Variants in COL6A6 observed in about 807,000 individuals in gnomAD.
COL6A6 encodes collagen type VI alpha 6 chain.
Under a neutral mutation model 208.6 loss-of-function variants are expected in COL6A6, and 183 were observed. That is an observed-to-expected ratio of 0.88 (90% CI 0.78 to 0.99). The LOEUF is 0.99. Ranked by LOEUF, COL6A6 falls within the 50% of genes least tolerant of loss-of-function variation. COL6A6 has a pLI of 0.00. For synonymous variants in COL6A6, 973 were observed against 1,011.8 expected (o/e 0.96, Z 0.73); for missense variants, 2,816 against 2,815.2 (o/e 1.00, Z -0.01).
At chr3:130,576,003 T>C (rs976039563) in intron 8 of COL6A6, among the ~76,000 whole-genome samples, 4 of 152,176 alleles carry the variant, frequency 2.6e-5, no homozygotes, top group Non-Finnish European at 4.4e-5. Context: ...TGCTGAGGTT[T>C]CTCTGTCCCC....
intron 1 of COL6A6, among the ~76,000 whole-genome samples, chr3:130,526,050 C>A (rs780359187): frequency 1.7e-4 from 26 of 151,930 alleles, no homozygotes; most frequent in African/African-American, 6.0e-4. Context: ...GACAAAGTCC[C>A]TGCTCCAAGG....
At chr3:130,604,750 A>G (rs2064133290) in intron 20 of COL6A6, among the ~76,000 whole-genome samples, 2 of 152,190 alleles carry the variant, frequency 1.3e-5, no homozygotes, top group African/African-American at 4.8e-5. Flanking sequence ...AACCTTAAAG[A>G]CAAAAGGGGA....
intron 10 of COL6A6, 93 bp from the exon 11 acceptor site, chr3:130,586,413 C>T (rs2063542400): frequency 9.1e-7 from 1 of 1,104,174 alleles, no homozygotes; most frequent in Non-Finnish European, 1.3e-6. Flanking sequence ...CTTCTTGCAG[C>T]TGTTCACTGA....
chr3:130,601,797 C>T (rs1432035895), intron 20 of COL6A6, among the ~76,000 whole-genome samples: 2 of 152,140 alleles, frequency 1.3e-5, no homozygotes, highest in Admixed American at 6.5e-5. Context: ...TTAAAAATGG[C>T]GAAACAGAGA....
intron 36 of COL6A6, among the ~76,000 whole-genome samples, 158 bp downstream of exon 36, chr3:130,665,254 T>A (rs1342735752): frequency 6.6e-6 from 1 of 152,314 alleles, no homozygotes; most frequent in East Asian, 1.9e-4. Flanking sequence ...GAACAAGAGA[T>A]AACTTTTTAA....
intron 25 of COL6A6, 35 bp downstream of exon 25, chr3:130,626,582 T>G: frequency 6.6e-7 from 1 of 1,510,046 alleles, no homozygotes; most frequent in Non-Finnish European, 9.2e-7. Context: ...ATCGGATTCT[T>G]GGAATCTTTT....
chr3:130,576,267 G>A (rs1280336150), intron 8 of COL6A6, among the ~76,000 whole-genome samples: 1 of 152,086 alleles, frequency 6.6e-6, no homozygotes, highest in African/African-American at 2.4e-5. Flanking sequence ...TGAAAAGGAA[G>A]TCACCCACTC....
intron 28 of COL6A6, among the ~76,000 whole-genome samples, chr3:130,638,005 C>G (rs991835397): frequency 1.3e-5 from 2 of 152,008 alleles, no homozygotes; most frequent in Non-Finnish European, 2.9e-5. Context: ...TCTGTCCTAC[C>G]CACACCCCAG....
At chr3:130,596,584 T>C (rs2063856786) in intron 18 of COL6A6, among the ~76,000 whole-genome samples, 1 of 152,228 alleles carries the variant, frequency 6.6e-6, no homozygotes, top group Non-Finnish European at 1.5e-5. Context: ...GGAAAGCATG[T>C]AAATGATGCT....
intron 29 of COL6A6, among the ~76,000 whole-genome samples, chr3:130,642,591 C>T (rs2065347785): frequency 6.6e-6 from 1 of 152,084 alleles, no homozygotes; most frequent in Non-Finnish European, 1.5e-5. Flanking sequence ...AGAGATGGAC[C>T]CGGAGGAAAG....
At chr3:130,664,091 C>T (rs1208414224) in intron 35 of COL6A6, among the ~76,000 whole-genome samples, 2 of 152,166 alleles carry the variant, frequency 1.3e-5, no homozygotes, top group African/African-American at 2.4e-5. Flanking sequence ...TCTGGTCTAG[C>T]TCCCTCGCTT....
chr3:130,641,747 C>G, intron 29 of COL6A6, 33 bp downstream of exon 29: 2 of 1,325,942 alleles, frequency 1.5e-6, no homozygotes, highest in Non-Finnish European at 2.1e-6. Context: ...ACAGCAGGTC[C>G]TTTTCCATTA....
intron 1 of COL6A6, among the ~76,000 whole-genome samples, chr3:130,559,262 C>T (rs957365463): frequency 6.6e-6 from 1 of 152,198 alleles, no homozygotes; most frequent in Non-Finnish European, 1.5e-5. Context: ...CTACACATTG[C>T]CTCCTGACAT....
At chr3:130,603,557 C>T (rs911510622) in intron 20 of COL6A6, among the ~76,000 whole-genome samples, 2 of 152,076 alleles carry the variant, frequency 1.3e-5, no homozygotes, top group Non-Finnish European at 2.9e-5. Flanking sequence ...AAAGGGGGAG[C>T]GTCTCTGAGC....
intron 1 of COL6A6, among the ~76,000 whole-genome samples, chr3:130,531,056 A>AGT (rs1294781159): frequency 0.019 from 527 of 28,040 alleles, 11 homozygotes; most frequent in East Asian, 0.13. Flanking sequence ...ACACACACAC[A>AGT]CACAGTCTCT....
chr3:130,664,009 C>A (rs2066005225), intron 35 of COL6A6, among the ~76,000 whole-genome samples: 1 of 152,214 alleles, frequency 6.6e-6, no homozygotes, highest in African/African-American at 2.4e-5. Flanking sequence ...TGGGGAACTT[C>A]TCTGAGCCAC....
Position 130,649,336 on chromosome 3 carries a change from C to A in COL6A6, c.5507C>A (p.Ser1836Tyr), listed in dbSNP as rs761114471. 1.9e-5 allele frequency: 30 copies of A among 1,609,682 alleles called. No individual in the cohort carries two copies. Among genetic ancestry groups the A allele is most frequent in the East Asian group, 2.2e-5 (1 of 44,784 alleles). Residue 1836 changes from serine to tyrosine, a missense_variant, in exon 33 of 37, where the codon TCC becomes TAC. Physicochemically the swap from Ser to Tyr is moderately radical, Grantham distance 144 (BLOSUM62 -2). Transcript: ENST00000358511. ...REIETIPYER[S>Y]SASREIGRAM... The stretch of plus-strand genomic sequence containing the variant: ...ATTGAAACTATTCCTTATGAGAGAT[C>A]CTCTGCCAGCAGGGAGATTGGCAGA...
At chr3:130,647,140 A>G (rs946861417) in intron 32 of COL6A6, among the ~76,000 whole-genome samples, 1 of 152,156 alleles carries the variant, frequency 6.6e-6, no homozygotes, top group Admixed American at 6.5e-5. Flanking sequence ...GGAACCGCAC[A>G]TGGCAATCCT....
At position 130,634,696 on chromosome 3, in the gene COL6A6, C is replaced by T; in HGVS notation, c.5028+71C>T. On this transcript the variant is annotated intron_variant, in intron 27 of 36. Coordinates refer to ENST00000358511, the MANE Select transcript of COL6A6 (RefSeq NM_001102608.3). ...TGGGGTTTATGAAATGTATCCTAGGCCAGTAGAAGAACAGTTAATGATAAA... is the reference window on the plus strand; with the variant it reads ...TGGGGTTTATGAAATGTATCCTAGGTCAGTAGAAGAACAGTTAATGATAAA... 4 of 1,120,974 alleles carry T rather than the reference C, an allele frequency of 3.6e-6. No individual in the cohort carries two copies. In the South Asian group the frequency reaches 4.3e-5, roughly 12 times the overall value. 69.4% of individuals were successfully genotyped at this position (1,120,974 alleles called of 1,614,324 possible).
Sources: gnomAD v4.1 joint callset for allele counts (sites outside exome capture counted in the v4.1 genomes callset) on GRCh38, gnomAD v4.1.1 for gene constraint, MANE v1.5 for transcripts, NCBI Gene and HGNC (gene_info 2026-07-23, HGNC 2026-07-21) for gene names.